Variants in POLR3G observed in about 807,000 individuals in gnomAD.
POLR3G encodes DNA-directed RNA polymerase III subunit RPC7.
Under a neutral mutation model 30.1 loss-of-function variants are expected in POLR3G, and 28 were observed. The ratio of observed to expected loss-of-function variants is 0.93; its 90% confidence interval spans 0.69 to 1.27. The LOEUF (loss-of-function observed/expected upper bound fraction) is 1.27. Among genes scored for constraint, POLR3G ranks in the 50% most tolerant of loss-of-function variants. The pLI, the probability that POLR3G is intolerant of heterozygous loss-of-function variation, is 0.00. For synonymous variants in POLR3G, 79 were observed against 82.5 expected, an observed-to-expected ratio of 0.96 and a Z score of 0.23; for missense variants, 254 against 264.6, an observed-to-expected ratio of 0.96 and a Z score of 0.28.
chr5:90,474,003 C>T, upstream of POLR3G: 2 of 1,598,590 alleles, frequency 1.3e-6, no homozygotes, highest in South Asian at 1.1e-5. Context: ...CACTGCCACG[C>T]GGTCGAACTG....
rs539387744 is a variant in POLR3G, at chr5:90,487,928, A to G, written c.118-72A>G. 124 of 1,287,420 alleles carry G rather than the reference A, an allele frequency of 9.6e-5. 1 individual carries two copies. The highest frequency in any genetic ancestry group is 7.6e-4 in the South Asian group (40 of 52,408). 79.7% of individuals were successfully genotyped at this position (1,287,420 alleles called of 1,614,324 possible). A position where few individuals can be genotyped will look rare whatever the true frequency, so the allele number is the denominator to read the frequency against. ...TATTTCAATAAAACTGCTGTTTTCTATAATACAGATAAAAGGGATATTAAA... is the reference window on the plus strand; with the variant it reads ...TATTTCAATAAAACTGCTGTTTTCTGTAATACAGATAAAAGGGATATTAAA... On this transcript the variant is annotated intron_variant, in intron 2 of 7. Coordinates refer to ENST00000651687, the MANE Select transcript of POLR3G (RefSeq NM_006467.3).
chr5:90,474,620 GGA>G, upstream of POLR3G: 1 of 351,990 alleles, frequency 2.8e-6, no homozygotes, highest in South Asian at 2.8e-5. Flanking sequence ...GCAGCAGAAT[GGA>G]GACTCAGGTG....
rs556722679 is a variant in POLR3G, at chr5:90,502,185, C to G, written c.438+197C>G. 5.3e-5 allele frequency: 52 copies of G among 985,380 alleles called. No homozygotes were observed. In the South Asian group the frequency reaches 2.3e-3, roughly 43 times the overall value. The allele number at this position is 985,380 out of a possible 1,614,324, so 61.0% of individuals were successfully genotyped here. On this transcript the variant is annotated intron_variant, in intron 6 of 7. Transcript: ENST00000651687. ...GATATGGAGGGTCTGTCCTGTCCTT[C>G]GTTACCACTCACCTGGCCACTTACC... is the stretch of plus-strand genomic sequence containing the variant.
intron 1 of POLR3G, among the ~76,000 whole-genome samples, chr5:90,478,590 AG>A (rs1750962905): frequency 7.8e-5 from 1 of 12,760 alleles, no homozygotes; most frequent in African/African-American, 2.9e-4. Flanking sequence ...TTTTTTTGAG[AG>A]GGAGCCTCAC....
chr5:90,484,862 G>C (rs1454770000), intron 1 of POLR3G, among the ~76,000 whole-genome samples: 1 of 152,212 alleles, frequency 6.6e-6, no homozygotes, highest in Non-Finnish European at 1.5e-5. Context: ...AGGGATCCCT[G>C]TTTATACATT....
Position 90,497,689 on chromosome 5 carries a change from G to C in POLR3G, c.338G>C (p.Arg113Thr), listed in dbSNP as rs549458634. The change falls in exon 5 of 8, where the codon AGA becomes ACA. Residue 113 changes from arginine (R) to threonine (T), a missense_variant. Coordinates refer to ENST00000651687, the MANE Select transcript of POLR3G (RefSeq NM_006467.3). ...AGACTTCCAAGAGAGATGATGCCAA[G>C]AAATAAATGTAAAAAAGGTACATTG... ...WRRLPREMMP[R>T]NKCKKAGPKP... 6.2e-7 allele frequency: 1 copy of C among 1,602,788 alleles called. No homozygotes were observed. The highest frequency in any genetic ancestry group is 1.3e-5 in the African/African-American group (1 of 74,228).
At chr5:90,497,744 A>G in intron 5 of POLR3G, 38 bp downstream of exon 5, 5 of 1,568,172 alleles carry the variant, frequency 3.2e-6, no homozygotes, top group Non-Finnish European at 3.4e-6. Context: ...AGGTAGGAAA[A>G]GGTTATTTCT....
chr5:90,483,964 G>A (rs921163196), intron 1 of POLR3G, among the ~76,000 whole-genome samples: 4 of 152,162 alleles, frequency 2.6e-5, no homozygotes, highest in East Asian at 1.9e-4. Context: ...GATCTATGAA[G>A]TCCTTGATTC....
At chr5:90,494,144 A>G (rs1349361667) in intron 3 of POLR3G, among the ~76,000 whole-genome samples, 1 of 152,208 alleles carries the variant, frequency 6.6e-6, no homozygotes, top group Non-Finnish European at 1.5e-5. Flanking sequence ...ATTCCATGTC[A>G]TATAAATGGA....
rs115119116 is a variant in POLR3G at position 90,493,136 on chromosome 5, T to G, written c.248-2541T>G. 6.0e-3 allele frequency among the ~76,000 whole-genome samples: 698 copies of G among 116,046 alleles called. 3 individuals carry two copies. The highest frequency in any genetic ancestry group is 0.021 in the African/African-American group (662 of 31,280). 76.1% of individuals were successfully genotyped at this position (116,046 alleles called of 152,430 possible). A position where few individuals can be genotyped will look rare whatever the true frequency, so the allele number is the denominator to read the frequency against. ...GGCAGCCGATGCACAGAAAACTGCA[T>G]TCAAATGACTTTGCCCATTTTGGTT... On this transcript the variant is annotated intron_variant, in intron 3 of 7. Transcript: ENST00000651687.
intron 3 of POLR3G, among the ~76,000 whole-genome samples, chr5:90,492,121 G>A (rs1751755835): frequency 6.6e-6 from 1 of 152,132 alleles, no homozygotes. Context: ...ATAGCTCTCT[G>A]GATGCTCATG....
At chr5:90,510,879 A>G (rs955044713) in intron 7 of POLR3G, among the ~76,000 whole-genome samples, 2 of 152,148 alleles carry the variant, frequency 1.3e-5, no homozygotes, top group South Asian at 4.2e-4. Context: ...AAAAAAAAAA[A>G]AAAACTTTGG....
intron 3 of POLR3G, among the ~76,000 whole-genome samples, chr5:90,494,648 G>A (rs1287295586): frequency 6.6e-6 from 1 of 151,920 alleles, no homozygotes; most frequent in Non-Finnish European, 1.5e-5. Context: ...GGTGATGTTG[G>A]ACATCTTTTC....
intron 1 of POLR3G, among the ~76,000 whole-genome samples, chr5:90,479,721 G>A (rs571460227): frequency 1.3e-5 from 2 of 152,212 alleles, no homozygotes; most frequent in South Asian, 2.1e-4. Flanking sequence ...AAGGGATGTA[G>A]CAAGTCAGGG....
intron 5 of POLR3G, among the ~76,000 whole-genome samples, chr5:90,499,544 T>C (rs1434008008): frequency 6.6e-6 from 1 of 152,082 alleles, no homozygotes; most frequent in Admixed American, 6.6e-5. Context: ...TAAATGGAGC[T>C]TAGGAAATGG....
chr5:90,488,636 ATAT>A (rs1287259644), intron 3 of POLR3G, among the ~76,000 whole-genome samples: 1 of 152,060 alleles, frequency 6.6e-6, no homozygotes, highest in African/African-American at 2.4e-5. Flanking sequence ...TGCTTTTTAA[ATAT>A]TATTTTCAGT....
chr5:90,482,728 C>A (rs1175150690), intron 1 of POLR3G, among the ~76,000 whole-genome samples: 2 of 152,164 alleles, frequency 1.3e-5, no homozygotes, highest in Non-Finnish European at 2.9e-5. Flanking sequence ...CTTGTGGCCC[C>A]CACCCAGGAA....
At chr5:90,496,423 A>G (rs1751998272) in intron 4 of POLR3G, among the ~76,000 whole-genome samples, 1 of 152,210 alleles carries the variant, frequency 6.6e-6, no homozygotes, top group Non-Finnish European at 1.5e-5. Flanking sequence ...GAAAGCAAAA[A>G]TCTCGTTTTA....
At chr5:90,483,533 G>C (rs1319026200) in intron 1 of POLR3G, among the ~76,000 whole-genome samples, 1 of 152,120 alleles carries the variant, frequency 6.6e-6, no homozygotes, top group Non-Finnish European at 1.5e-5. Flanking sequence ...GGCCGGGCAC[G>C]GTGGCTCATG....
Sources: allele counts gnomAD v4.1 joint callset (sites outside exome capture counted in the v4.1 genomes callset), GRCh38; gene constraint gnomAD v4.1.1; transcripts MANE v1.5; gene names NCBI Gene and HGNC (gene_info 2026-07-23, HGNC 2026-07-21).